IFI27: variants seen among roughly 807,000 people sequenced by gnomAD.
IFI27 encodes the protein interferon alpha inducible protein 27, also known as interferon alpha-inducible protein 27, mitochondrial.
A neutral mutation model predicts 8.9 loss-of-function variants in IFI27; 3 were observed. That is an observed-to-expected ratio of 0.34 (90% confidence interval 0.15 to 0.87). The LOEUF is 0.87. Among genes scored for constraint, IFI27 ranks in the 40% least tolerant of loss-of-function variants. The pLI, the probability that IFI27 is intolerant of heterozygous loss-of-function variation, is 0.51. For missense variants in IFI27, 152 were observed against 157.7 expected (o/e 0.96, Z 0.19); for synonymous variants, 66 against 67.3 (o/e 0.98, Z 0.09).
chr14:94,108,090 T>C (rs936521334), upstream of IFI27, among the ~76,000 whole-genome samples: 1 of 152,224 alleles, frequency 6.6e-6, no homozygotes, highest in African/African-American at 2.4e-5. Context: ...CATGTGGTGT[T>C]TGATTTTCTG....
chr14:94,111,570 G>A lies in IFI27; in HGVS notation c.-58-55G>A. 9.6e-6 allele frequency: 8 copies of A among 831,990 alleles called. No homozygotes were observed. The South Asian group carries it at 1.0e-4, about 11-fold the overall frequency. 51.5% of individuals were successfully genotyped at this position (831,990 alleles called of 1,614,324 possible). On this transcript the variant is annotated intron_variant, in intron 1 of 4. Transcript: ENST00000621160. This position sits in a 1 kb window ranked among gnomAD's most constrained non-coding sequence, Gnocchi z 4.3. ...CCCGTCACATTTTTCAGGACAGTGGGAAGCAAGTCAGGTTGTGTGCCCATC... is the reference window on the plus strand; with the variant it reads ...CCCGTCACATTTTTCAGGACAGTGGAAAGCAAGTCAGGTTGTGTGCCCATC...
upstream of IFI27, among the ~76,000 whole-genome samples, chr14:94,106,759 A>C (rs1887020130): frequency 6.6e-6 from 1 of 152,152 alleles, no homozygotes; most frequent in African/African-American, 2.4e-5. Flanking sequence ...AGAAACTTGT[A>C]CTCACAATGG....
rs1010548521 is a variant in IFI27, at chr14:94,111,971, C to T, written c.91+198C>T. Reference sequence around the variant, plus strand: ...GGGGCAGGCAGACTCTGGCCAGATGCCCAGCCCTGGGTGTTCCACAGGTCC... The same window carrying T: ...GGGGCAGGCAGACTCTGGCCAGATGTCCAGCCCTGGGTGTTCCACAGGTCC... On this transcript the variant is annotated intron_variant, in intron 2 of 4. Transcript: ENST00000621160. This position sits in a 1 kb window ranked among gnomAD's most constrained non-coding sequence, Gnocchi z 4.3. 4.1e-5 allele frequency: 26 copies of T among 630,864 alleles called. No individual in the cohort carries two copies. The African/African-American group carries it at 4.7e-4, about 11-fold the overall frequency. 39.1% of individuals were successfully genotyped at this position (630,864 alleles called of 1,614,324 possible). A position where few individuals can be genotyped will look rare whatever the true frequency, so the allele number is the denominator to read the frequency against.
Position 94,116,185 on chromosome 14 carries a change from C to G in IFI27, c.283+243C>G. 1 of 700,486 alleles carries G rather than the reference C, an allele frequency of 1.4e-6. No homozygotes were observed. The highest frequency in any genetic ancestry group is 1.5e-5 in the South Asian group (1 of 65,862). The allele number at this position is 700,486 out of a possible 1,614,324, so 43.4% of individuals were successfully genotyped here. ...GCTGGGTTACCTGGGGCGTCTCCTCCCCTCTGGGGTGCAGCCTCCTTCCCT... is the reference window on the plus strand; with the variant it reads ...GCTGGGTTACCTGGGGCGTCTCCTCGCCTCTGGGGTGCAGCCTCCTTCCCT... On this transcript the variant is annotated intron_variant, in intron 4 of 4. Coordinates refer to ENST00000621160, the Ensembl canonical transcript of IFI27. The surrounding 1 kb of genome is among the most constrained non-coding windows in gnomAD (Gnocchi z 4.3).
At chr14:94,112,624 G>A (rs967122115) in intron 2 of IFI27, among the ~76,000 whole-genome samples, 3 of 152,176 alleles carry the variant, frequency 2.0e-5, no homozygotes, top group African/African-American at 4.8e-5. Context: ...CCCTGACTCC[G>A]ACCCTGACTT....
At chr14:94,108,881 A>G (rs561726176), upstream of IFI27, among the ~76,000 whole-genome samples, 3 of 152,300 alleles carry the variant, frequency 2.0e-5, no homozygotes, top group African/African-American at 7.2e-5. Context: ...TTTGTTTTGG[A>G]GAACAAAGGA....
At chr14:94,113,643 C>T (rs1887276133) in intron 2 of IFI27, 1 of 152,268 alleles carries the variant, frequency 6.6e-6, no homozygotes, top group African/African-American at 2.4e-5. Context: ...AACAGGCAGG[C>T]CTCCAGACAC....
chr14:94,115,768 C>T lies in IFI27; in HGVS notation c.122-13C>T, dbSNP rs370865721. 3.8e-6 allele frequency: 6 copies of T among 1,597,716 alleles called. No homozygotes were observed. Among genetic ancestry groups the T allele is most frequent in the East Asian group, 4.5e-5 (2 of 44,326 alleles). On this transcript the variant is annotated splice_polypyrimidine_tract_variant and intron_variant, in intron 3 of 4. Transcript: ENST00000621160. Reference sequence around the variant, plus strand: ...CTGAGCCCACGCACCGACCCAGCTCCTCTTCCCTGCAGTTGTGGCCATGGC... The same window carrying T: ...CTGAGCCCACGCACCGACCCAGCTCTTCTTCCCTGCAGTTGTGGCCATGGC...
At chr14:94,112,794 CCT>C (rs994239271) in intron 2 of IFI27, 2 of 152,538 alleles carry the variant, frequency 1.3e-5, no homozygotes, top group Admixed American at 6.5e-5. Flanking sequence ...TCACTGGCAC[CCT>C]GTTTTGCAAC....
rs1887169120 is a variant in IFI27 at position 94,111,203 on chromosome 14, G to A, written c.-59+406G>A. Among the ~76,000 whole-genome samples, 1 of 152,200 alleles carries A rather than the reference G, an allele frequency of 6.6e-6. No individual in the cohort carries two copies. The highest frequency in any genetic ancestry group is 2.1e-4 in the South Asian group (1 of 4,836). The stretch of plus-strand genomic sequence containing the variant: ...CATCTGTAACATGCGGAGGAGGAGG[G>A]TCCCATCTTTTTCACGTTAGTGAGG... On this transcript the variant is annotated intron_variant, in intron 1 of 4. Coordinates refer to ENST00000621160, the Ensembl canonical transcript of IFI27. This position sits in a 1 kb window ranked among gnomAD's most constrained non-coding sequence, Gnocchi z 4.3.
At chr14:94,112,018 T>G (rs751149794) in intron 2 of IFI27, 13 of 586,704 alleles carry the variant, frequency 2.2e-5, no homozygotes, top group South Asian at 9.9e-5. Flanking sequence ...GGCCCGGGCC[T>G]CCTCCTGCCT....
intron 2 of IFI27, chr14:94,114,546 C>T: frequency 2.3e-6 from 1 of 435,602 alleles, no homozygotes; most frequent in Non-Finnish European, 4.1e-6. Context: ...TGAGCTAAAC[C>T]TGCCTTGGGA....
intron 3 of IFI27, chr14:94,115,261 G>C (rs964790670): frequency 1.8e-6 from 1 of 561,206 alleles, no homozygotes; most frequent in African/African-American, 1.8e-5. Flanking sequence ...TGAAACAATA[G>C]AGATTGAACA....
Position 94,116,074 on chromosome 14 carries a change from G to A in IFI27, c.283+132G>A. On this transcript the variant is annotated intron_variant, in intron 4 of 4. Coordinates refer to ENST00000621160, the Ensembl canonical transcript of IFI27. The surrounding 1 kb of genome is among the most constrained non-coding windows in gnomAD (Gnocchi z 4.3). ...TGTCTCTCTCTACACATTCTCTCAGGGTTTCTCTGAGGGAGATGGAGGAGG... is the reference window on the plus strand; with the variant it reads ...TGTCTCTCTCTACACATTCTCTCAGAGTTTCTCTGAGGGAGATGGAGGAGG... The A allele has an allele frequency of 5.8e-6, 6 of 1,032,482 alleles. No homozygotes were observed. The highest frequency in any genetic ancestry group is 8.7e-6 in the Non-Finnish European group (6 of 685,848). 64.0% of individuals were successfully genotyped at this position (1,032,482 alleles called of 1,614,324 possible). A position where few individuals can be genotyped will look rare whatever the true frequency, so the allele number is the denominator to read the frequency against.
intron 2 of IFI27, chr14:94,112,060 C>T (rs927408081): frequency 4.3e-5 from 23 of 530,586 alleles, no homozygotes; most frequent in Non-Finnish European, 5.8e-5. Flanking sequence ...CACTGAGTCC[C>T]ACTCTCTTCA....
chr14:94,109,404 G>GGGAAAGGAAAGGAAA (rs61520979), upstream of IFI27, among the ~76,000 whole-genome samples: 416 of 146,244 alleles, frequency 2.8e-3, no homozygotes, highest in African/African-American at 7.1e-3. Context: ...GCAAGGGCAA[G>GGGAAAGGAAAGGAAA]GGAAAGGAAA....
At chr14:94,112,056 G>A in intron 2 of IFI27, 2 of 537,706 alleles carry the variant, frequency 3.7e-6, no homozygotes, top group Non-Finnish European at 6.7e-6. Flanking sequence ...CTACCACTGA[G>A]TCCCACTCTC....
At chr14:94,108,306 C>T (rs1023937696), upstream of IFI27, among the ~76,000 whole-genome samples, 12 of 152,288 alleles carry the variant, frequency 7.9e-5, no homozygotes, top group Middle Eastern at 3.4e-3. Context: ...CATACGTGTG[C>T]ACGTGTCTTT....
chr14:94,109,407 A>T (rs1384584652), upstream of IFI27, among the ~76,000 whole-genome samples: 1 of 146,346 alleles, frequency 6.8e-6, no homozygotes, highest in South Asian at 2.1e-4. Flanking sequence ...AGGGCAAGGG[A>T]AAGGAAAGGA....
Sources: gnomAD v4.1 joint callset for allele counts (sites outside exome capture counted in the v4.1 genomes callset) on GRCh38, gnomAD v4.1.1 for gene constraint, Gnocchi (gnomAD v3.1) non-coding constraint, MANE v1.5 for transcripts, NCBI Gene and HGNC (gene_info 2026-07-23, HGNC 2026-07-21) for gene names.